Variants in MITF observed in about 807,000 individuals in gnomAD.
MITF encodes the protein melanocyte inducing transcription factor, also known as microphthalmia-associated transcription factor.
MITF carries 17 observed loss-of-function variants against 60.5 expected under a neutral mutation model. That is an observed-to-expected ratio of 0.28 (90% CI 0.19 to 0.42). The LOEUF (loss-of-function observed/expected upper bound fraction) is 0.42, where lower values mean the gene tolerates loss of function less well. Ranked by LOEUF, MITF falls within the 10% of genes least tolerant of loss-of-function variation. MITF has a pLI of 1.00. For synonymous variants in MITF, 260 were observed against 248.5 expected (o/e 1.05, Z -0.43); for missense variants, 622 against 683.5 (o/e 0.91, Z 1.00).
chr3:69,830,650 G>T (rs1482855963), intron 1 of MITF, among the ~76,000 whole-genome samples: 1 of 152,166 alleles, frequency 6.6e-6, no homozygotes. Context: ...GCTCACTGCT[G>T]TATCCCCCAC....
chr3:69,925,524 A>T (rs562833948), intron 2 of MITF, among the ~76,000 whole-genome samples: 2 of 152,218 alleles, frequency 1.3e-5, no homozygotes, highest in South Asian at 4.1e-4. Context: ...AGCCAAGAAG[A>T]AGCCAAGGGC....
intron 1 of MITF, among the ~76,000 whole-genome samples, chr3:69,821,384 C>A (rs1457626471): frequency 1.3e-5 from 2 of 152,076 alleles, no homozygotes; most frequent in African/African-American, 2.4e-5. Flanking sequence ...CCACCCCCAA[C>A]CCCCTAAGCT....
At chr3:69,924,493 G>A (rs1245406675) in intron 2 of MITF, among the ~76,000 whole-genome samples, 2 of 152,220 alleles carry the variant, frequency 1.3e-5, no homozygotes, top group Admixed American at 6.5e-5. Flanking sequence ...ACATAAATAT[G>A]TGTGCACTGT....
At chr3:69,859,384 T>C (rs1024065462) in intron 1 of MITF, among the ~76,000 whole-genome samples, 1 of 152,238 alleles carries the variant, frequency 6.6e-6, no homozygotes, top group African/African-American at 2.4e-5. Flanking sequence ...AAACATTTAA[T>C]TTATATGAAT....
At chr3:69,786,625 C>G (rs190522901) in intron 1 of MITF, among the ~76,000 whole-genome samples, 1 of 152,148 alleles carries the variant, frequency 6.6e-6, no homozygotes, top group Non-Finnish European at 1.5e-5. Context: ...TGGTGACAAT[C>G]CTCGAGTAAC....
intron 1 of MITF, among the ~76,000 whole-genome samples, chr3:69,850,813 T>G (rs1230498826): frequency 6.6e-6 from 1 of 152,172 alleles, no homozygotes; most frequent in Non-Finnish European, 1.5e-5. Flanking sequence ...CCTGAGGATT[T>G]GGACATATGT....
chr3:69,851,470 T>G (rs1333296517), intron 1 of MITF, among the ~76,000 whole-genome samples: 1 of 152,156 alleles, frequency 6.6e-6, no homozygotes, highest in Non-Finnish European at 1.5e-5. Context: ...AGAATACTAA[T>G]TAGCGATAGA....
At position 69,772,815 on chromosome 3, in the gene MITF, A is replaced by T. The variant is rs141447024; in HGVS notation, c.104+33114A>T. Among the ~76,000 whole-genome samples, 5 of 152,128 alleles carry T rather than the reference A, an allele frequency of 3.3e-5. No homozygotes were observed. The East Asian group carries it at 9.7e-4, about 29-fold the overall frequency. ...ACTCTATCCATCAATCCATACACCC[A>T]CTTATTGAGCTAATATTTATTGAGG... is the stretch of plus-strand genomic sequence containing the variant. On this transcript the variant is annotated intron_variant, in intron 1 of 9. Transcript: ENST00000352241.
intron 2 of MITF, among the ~76,000 whole-genome samples, chr3:69,879,678 G>A (rs2064439123): frequency 6.6e-6 from 1 of 152,166 alleles, no homozygotes; most frequent in Non-Finnish European, 1.5e-5. Context: ...TTCAAAACCA[G>A]AATTATCTGA....
chr3:69,937,537 C>A (rs1365534835), intron 2 of MITF, among the ~76,000 whole-genome samples: 2 of 151,970 alleles, frequency 1.3e-5, no homozygotes, highest in Non-Finnish European at 2.9e-5. Context: ...TAATTTCAAA[C>A]TTTTAATTAT....
chr3:69,804,387 T>C (rs2062972179), intron 1 of MITF, among the ~76,000 whole-genome samples: 1 of 150,260 alleles, frequency 6.7e-6, no homozygotes, highest in African/African-American at 2.4e-5. Flanking sequence ...ACAGTTAATC[T>C]CTTTGAACCC....
chr3:69,887,232 A>G (rs1362410670), intron 2 of MITF, among the ~76,000 whole-genome samples: 2 of 152,286 alleles, frequency 1.3e-5, no homozygotes, highest in South Asian at 2.1e-4. Flanking sequence ...ACAATTAAAG[A>G]AAGGACTTAG....
At chr3:69,782,547 T>C (rs2062582974) in intron 1 of MITF, among the ~76,000 whole-genome samples, 1 of 152,196 alleles carries the variant, frequency 6.6e-6, no homozygotes, top group Admixed American at 6.5e-5. Flanking sequence ...AATTAAGTGA[T>C]AAGCTGTGAC....
intron 1 of MITF, among the ~76,000 whole-genome samples, chr3:69,745,496 T>C (rs1029893993): frequency 1.3e-5 from 2 of 152,036 alleles, no homozygotes; most frequent in African/African-American, 4.8e-5. Context: ...CAAATAGGGG[T>C]GTTTGAGTTT....
intron 2 of MITF, among the ~76,000 whole-genome samples, chr3:69,910,996 A>T (rs1232837669): frequency 6.6e-6 from 1 of 152,024 alleles, no homozygotes; most frequent in Non-Finnish European, 1.5e-5. Flanking sequence ...GTCCCTACCC[A>T]AATCTCAACT....
intron 1 of MITF, among the ~76,000 whole-genome samples, chr3:69,825,702 A>G (rs914143666): frequency 2.0e-5 from 3 of 152,200 alleles, no homozygotes; most frequent in African/African-American, 4.8e-5. Context: ...GAAGTAAAAG[A>G]AAAACCAGAA....
chr3:69,908,921 T>A (rs999857231), intron 2 of MITF, among the ~76,000 whole-genome samples: 2 of 152,264 alleles, frequency 1.3e-5, no homozygotes. Context: ...TTTATTTATG[T>A]GAAATAAGTC....
chr3:69,757,563 T>G (rs187836817), intron 1 of MITF, among the ~76,000 whole-genome samples: 6 of 152,208 alleles, frequency 3.9e-5, no homozygotes, highest in Admixed American at 1.3e-4. Context: ...ACTCTGCATT[T>G]TAGTGAGAGT....
At chr3:69,757,306 A>G (rs1404543292) in intron 1 of MITF, among the ~76,000 whole-genome samples, 1 of 152,208 alleles carries the variant, frequency 6.6e-6, no homozygotes, top group Admixed American at 6.5e-5. Context: ...GACTTTCTCC[A>G]GTATTCTTAC....
Sources: gnomAD v4.1 joint callset for allele counts (sites outside exome capture counted in the v4.1 genomes callset) on GRCh38, gnomAD v4.1.1 for gene constraint, MANE v1.5 for transcripts, NCBI Gene and HGNC (gene_info 2026-07-23, HGNC 2026-07-21) for gene names.